Variants in TRIO observed in about 807,000 individuals in gnomAD.
The protein encoded by TRIO is trio Rho guanine nucleotide exchange factor, also known as triple functional domain protein.
TRIO carries 58 observed loss-of-function variants against 351.9 expected under a neutral mutation model. That is an observed-to-expected ratio of 0.16 (90% CI 0.13 to 0.21). TRIO has a LOEUF of 0.21. Ranked by LOEUF, TRIO falls within the 10% of genes least tolerant of loss-of-function variation. The probability of loss-of-function intolerance (pLI) is 1.00; values close to 1 mark genes in which losing one functional copy is unlikely to be tolerated. For missense variants in TRIO, 3,201 were observed against 4,027.8 expected (o/e 0.79, Z 5.56); for synonymous variants, 1,758 against 1,595.7 (o/e 1.10, Z -2.42).
In TRIO at chr5:14,286,056, A is replaced by G. The variant is rs1041494095; in HGVS notation, c.348-815A>G. On this transcript the variant is annotated intron_variant, in intron 3 of 56. Coordinates refer to ENST00000344204, the MANE Select transcript of TRIO (RefSeq NM_007118.4). The surrounding 1 kb of genome is among the most constrained non-coding windows in gnomAD (Gnocchi z 4.4). ...CATTGTATGTGTTTCCCATGTAGTC[A>G]GTGGTTGAGATTTAATACAATTAGA... is the stretch of plus-strand genomic sequence containing the variant. Among the ~76,000 whole-genome samples the G allele has an allele frequency of 9.2e-5, 14 of 151,916 alleles. No individual in the cohort carries two copies. Among genetic ancestry groups the G allele is most frequent in the Non-Finnish European group, 1.6e-4 (11 of 67,964 alleles).
At chr5:14,375,616 A>T (rs1446645353) in intron 19 of TRIO, among the ~76,000 whole-genome samples, 1 of 152,150 alleles carries the variant, frequency 6.6e-6, no homozygotes, top group Non-Finnish European at 1.5e-5. Context: ...TAATGGTGGC[A>T]GAAAAGACAG....
chr5:14,208,263 A>G (rs534489413), intron 1 of TRIO, among the ~76,000 whole-genome samples: 6 of 152,340 alleles, frequency 3.9e-5, no homozygotes, highest in African/African-American at 7.2e-5. Flanking sequence ...ATGTCCACCA[A>G]CTGGAATGGA....
chr5:14,452,498 T>C (rs1462262362), intron 34 of TRIO, among the ~76,000 whole-genome samples: 1 of 152,194 alleles, frequency 6.6e-6, no homozygotes, highest in Non-Finnish European at 1.5e-5. Flanking sequence ...GGGGTGTTAG[T>C]GGAACCCCGG....
At chr5:14,458,351 C>T (rs994996657) in intron 34 of TRIO, among the ~76,000 whole-genome samples, 9 of 152,140 alleles carry the variant, frequency 5.9e-5, no homozygotes. Flanking sequence ...AGATGAGGCC[C>T]CTGCCTTCCT....
chr5:14,429,378 A>G (rs1182282809), intron 34 of TRIO, among the ~76,000 whole-genome samples: 1 of 152,168 alleles, frequency 6.6e-6, no homozygotes, highest in African/African-American at 2.4e-5. Context: ...TTTTGTGATT[A>G]TATTGTACTC....
intron 1 of TRIO, among the ~76,000 whole-genome samples, chr5:14,203,457 C>CT (rs1451749776): frequency 3.3e-5 from 5 of 152,158 alleles, no homozygotes; most frequent in Non-Finnish European, 7.4e-5. Context: ...AGGTAATTTT[C>CT]TTTTTTTACA....
intron 1 of TRIO, among the ~76,000 whole-genome samples, chr5:14,164,714 C>T (rs1051266614): frequency 2.0e-5 from 3 of 152,184 alleles, no homozygotes; most frequent in African/African-American, 7.2e-5. Context: ...AATTTTGCTC[C>T]TGTCACCTGA....
chr5:14,297,387 A>C (rs1396821925), intron 7 of TRIO, 124 bp downstream of exon 7: 1 of 1,171,374 alleles, frequency 8.5e-7, no homozygotes, highest in Non-Finnish European at 1.2e-6. Context: ...TGAGCTCTGA[A>C]GTCACTTGGC....
chr5:14,308,201 A>G (rs1254655063), intron 8 of TRIO, among the ~76,000 whole-genome samples: 2 of 152,250 alleles, frequency 1.3e-5, no homozygotes, highest in East Asian at 3.9e-4. Context: ...AGACAGACTT[A>G]TGAAACATAT....
At chr5:14,410,227 A>G (rs767816294) in intron 33 of TRIO, among the ~76,000 whole-genome samples, 1 of 152,206 alleles carries the variant, frequency 6.6e-6, no homozygotes, top group Non-Finnish European at 1.5e-5. Context: ...GGACGTACCC[A>G]TGCGGCCTTA....
At chr5:14,256,198 G>A (rs1795012322) in intron 1 of TRIO, among the ~76,000 whole-genome samples, 1 of 152,150 alleles carries the variant, frequency 6.6e-6, no homozygotes, top group African/African-American at 2.4e-5. Context: ...CTCACATGGT[G>A]AAAGAGAAGA....
intron 1 of TRIO, among the ~76,000 whole-genome samples, chr5:14,262,234 G>C (rs766294975): frequency 6.6e-6 from 1 of 152,120 alleles, no homozygotes; most frequent in Admixed American, 6.5e-5. Context: ...AGGATTTGGG[G>C]TGTTGTGGGA....
Position 14,497,096 on chromosome 5 carries a change from C to T in TRIO, c.8019+79C>T. On this transcript the variant is annotated intron_variant, in intron 50 of 56. Coordinates refer to ENST00000344204, the MANE Select transcript of TRIO (RefSeq NM_007118.4). The surrounding 1 kb of genome is among the most constrained non-coding windows in gnomAD (Gnocchi z 4.4). ...CAGGGAGGGCAGAGACTCTGCAGAC[C>T]TGAAGCTGGGCTTGCTTATGACCTC... 6.4e-7 allele frequency: 1 copy of T among 1,558,338 alleles called. No individual in the cohort carries two copies. Among genetic ancestry groups the T allele is most frequent in the Non-Finnish European group, 8.7e-7 (1 of 1,152,048 alleles).
chr5:14,396,443 CTTTTTTTTTTTTTTTTTTTTTTTTT>C (rs1173121592), intron 28 of TRIO, among the ~76,000 whole-genome samples: 26 of 41,554 alleles, frequency 6.3e-4, no homozygotes, highest in East Asian at 5.2e-3. Context: ...TTCTATTTAT[CTTTTTTTTTTTTTTTTTTTTTTTTT>C]TTTTTTTTTT....
At chr5:14,152,139 A>G (rs1278497877) in intron 1 of TRIO, among the ~76,000 whole-genome samples, 7 of 152,232 alleles carry the variant, frequency 4.6e-5, no homozygotes, top group African/African-American at 9.7e-5. Flanking sequence ...TAACTGGAAT[A>G]AATCCCTCAT....
At chr5:14,400,907 C>T (rs1220463090) in intron 30 of TRIO, 56 bp from the exon 31 acceptor site, 1 of 1,544,916 alleles carries the variant, frequency 6.5e-7, no homozygotes, top group Non-Finnish European at 8.9e-7. Flanking sequence ...GGTCTCTGTT[C>T]TGCATCCTTC....
chr5:14,398,813 T>C (rs1009768193), intron 29 of TRIO, 67 bp from the exon 30 acceptor site: 5 of 1,446,396 alleles, frequency 3.5e-6, no homozygotes, highest in African/African-American at 2.9e-5. Context: ...ATACTAATAA[T>C]GCTTTCTTGT....
chr5:14,275,900 TTA>T (rs967979926), intron 2 of TRIO, among the ~76,000 whole-genome samples: 15 of 147,466 alleles, frequency 1.0e-4, no homozygotes, highest in East Asian at 7.9e-4. Flanking sequence ...ATATATGTGT[TTA>T]TATATATGTC....
At chr5:14,474,779 C>G (rs569983214) in intron 40 of TRIO, among the ~76,000 whole-genome samples, 2 of 152,252 alleles carry the variant, frequency 1.3e-5, no homozygotes, top group South Asian at 2.1e-4. Context: ...CCTCCCGCCT[C>G]AGCATCTCTC....
Sources: allele counts gnomAD v4.1 joint callset (sites outside exome capture counted in the v4.1 genomes callset), GRCh38; gene constraint gnomAD v4.1.1; non-coding constraint Gnocchi (gnomAD v3.1); transcripts MANE v1.5; gene names NCBI Gene and HGNC (gene_info 2026-07-23, HGNC 2026-07-21).